BLTP1: variants seen among roughly 807,000 people sequenced by gnomAD.
BLTP1 encodes bridge-like lipid transfer protein family member 1.
the BLTP1 span, among the ~76,000 whole-genome samples, chr4:122,329,123 T>TTC: frequency 6.6e-6 from 1 of 151,832 alleles, no homozygotes; most frequent in Non-Finnish European, 1.5e-5. Flanking sequence ...TCCTTCATTT[T>TTC]TCTGGAGTAC....
At chr4:122,240,392 T>G in the BLTP1 span, 21 of 1,529,118 alleles carry the variant, frequency 1.4e-5, no homozygotes, top group Non-Finnish European at 1.9e-5. Flanking sequence ...ATATCTTGAT[T>G]TAGAAAAACA....
the BLTP1 span, among the ~76,000 whole-genome samples, chr4:122,360,945 C>T: frequency 1.3e-5 from 2 of 152,034 alleles, no homozygotes; most frequent in African/African-American, 2.4e-5. Flanking sequence ...TGGTAGAGAG[C>T]GTGGTTTAAG....
At chr4:122,278,671 C>G in the BLTP1 span, among the ~76,000 whole-genome samples, 1 of 152,172 alleles carries the variant, frequency 6.6e-6, no homozygotes, top group Non-Finnish European at 1.5e-5. Flanking sequence ...TTTATCTGCT[C>G]CCCATGCGGG....
the BLTP1 span, chr4:122,362,591 G>GTTGATGATAATGTGA: frequency 5.9e-6 from 1 of 169,256 alleles, no homozygotes; most frequent in African/African-American, 2.4e-5. Context: ...AAAAAATCTT[G>GTTGATGATAATGTGA]TTGATGATAA....
the BLTP1 span, among the ~76,000 whole-genome samples, chr4:122,185,715 A>G: frequency 6.6e-6 from 1 of 152,106 alleles, no homozygotes. Context: ...ATATGGATAT[A>G]TTAGGGTAAA....
chr4:122,185,658 A>G, the BLTP1 span, among the ~76,000 whole-genome samples: 1 of 152,258 alleles, frequency 6.6e-6, no homozygotes, highest in East Asian at 1.9e-4. Context: ...ATAGTTAAAT[A>G]AAGCATCATA....
the BLTP1 span, among the ~76,000 whole-genome samples, chr4:122,236,334 A>G: frequency 2.6e-5 from 4 of 152,232 alleles, no homozygotes; most frequent in Non-Finnish European, 5.9e-5. Context: ...TAAAATCAGC[A>G]AACACCAAAA....
the BLTP1 span, chr4:122,249,966 CTT>C: frequency 1.0e-5 from 10 of 968,912 alleles, no homozygotes; most frequent in Non-Finnish European, 1.2e-5. Flanking sequence ...TTTTTTGAAA[CTT>C]TGCATCTTTG....
chr4:122,331,735 TAGAA>T, the BLTP1 span: 1 of 980,356 alleles, frequency 1.0e-6, no homozygotes, highest in South Asian at 4.7e-5. Context: ...TTCTGGCAAC[TAGAA>T]ATGGATGTCT....
chr4:122,229,678 C>T, the BLTP1 span: 8 of 949,008 alleles, frequency 8.4e-6, no homozygotes, highest in East Asian at 1.2e-4. Context: ...TTCTCTTGTT[C>T]GCCTGTGGAT....
the BLTP1 span, chr4:122,266,768 GT>G: frequency 1.3e-6 from 2 of 1,572,728 alleles, no homozygotes; most frequent in East Asian, 4.6e-5. Context: ...TAATATGAAT[GT>G]TTATGTCTTT....
chr4:122,199,387 C>G, the BLTP1 span: 29 of 1,613,466 alleles, frequency 1.8e-5, no homozygotes, highest in Admixed American at 3.2e-4. Context: ...AGGGACAACT[C>G]TTACATGTGG....
chr4:122,174,716 G>A, the BLTP1 span: 1 of 1,222,526 alleles, frequency 8.2e-7, no homozygotes, highest in Non-Finnish European at 1.2e-6. Context: ...TTGTTAAAAT[G>A]TTTTATGATA....
the BLTP1 span, chr4:122,269,182 A>G: frequency 1.2e-5 from 6 of 487,280 alleles, no homozygotes; most frequent in East Asian, 7.6e-4. Flanking sequence ...ATATGTTTAT[A>G]TGTATACATA....
chr4:122,169,860 A>G, the BLTP1 span: 6 of 985,112 alleles, frequency 6.1e-6, no homozygotes, highest in South Asian at 1.4e-4. Flanking sequence ...TTGTTTCCCC[A>G]TGGAATAATG....
At chr4:122,213,268 C>A in the BLTP1 span, among the ~76,000 whole-genome samples, 2 of 152,076 alleles carry the variant, frequency 1.3e-5, no homozygotes, top group Admixed American at 1.3e-4. Context: ...CAAACTTCTT[C>A]CTGGCCTCAA....
chr4:122,272,347 A>G, the BLTP1 span: 1 of 1,613,286 alleles, frequency 6.2e-7, no homozygotes, highest in African/African-American at 1.3e-5. Context: ...GTGGACTAAC[A>G]ATGGAATCAG....
chr4:122,190,201 A>G, the BLTP1 span: 1,155 of 1,244,698 alleles, frequency 9.3e-4, 6 homozygotes, highest in African/African-American at 0.014. Flanking sequence ...GGCTCAAACA[A>G]TCCTCCTACT....
chr4:122,186,102 C>T, the BLTP1 span: 5 of 1,611,656 alleles, frequency 3.1e-6, no homozygotes, highest in African/African-American at 2.7e-5. Flanking sequence ...TATAATCGCT[C>T]GGATCTTTAT....
Sources: gnomAD v4.1 joint callset for allele counts (sites outside exome capture counted in the v4.1 genomes callset) on GRCh38, gnomAD v4.1.1 for gene constraint, MANE v1.5 for transcripts, NCBI Gene and HGNC (gene_info 2026-07-23, HGNC 2026-07-21) for gene names.